The following MARCHF1 variants were observed in gnomAD, a reference collection of about 807,000 sequenced individuals.
MARCHF1 encodes the protein E3 ubiquitin-protein ligase MARCHF1.
MARCHF1 carries 40 observed loss-of-function variants against 54.2 expected under a neutral mutation model. The observed-to-expected ratio is 0.74, with a 90% CI of 0.57 to 0.96. The LOEUF (loss-of-function observed/expected upper bound fraction) is 0.96, where lower values mean the gene tolerates loss of function less well. MARCHF1 is among the 40% of genes least tolerant of loss of function. The pLI is 0.00. For missense variants in MARCHF1, 586 were observed against 656.5 expected, an observed-to-expected ratio of 0.89 and a Z score of 1.17; for synonymous variants, 236 against 236.3, an observed-to-expected ratio of 1.00 and a Z score of 0.01.
chr4:163,674,939 A>G (rs1179470263), intron 5 of MARCHF1, among the ~76,000 whole-genome samples: 1 of 152,200 alleles, frequency 6.6e-6, no homozygotes. Flanking sequence ...TTTGCAAGAT[A>G]ATGTTGAAGA....
At chr4:163,844,970 A>T (rs889895149) in intron 4 of MARCHF1, among the ~76,000 whole-genome samples, 3 of 152,166 alleles carry the variant, frequency 2.0e-5, no homozygotes, top group African/African-American at 7.2e-5. Context: ...TTCTGTATGA[A>T]GCAGCATAAA....
chr4:164,060,131 A>G (rs993970500), intron 2 of MARCHF1, among the ~76,000 whole-genome samples: 1 of 152,092 alleles, frequency 6.6e-6, no homozygotes, highest in Non-Finnish European at 1.5e-5. Context: ...GTTGTTTTGT[A>G]CAAGCAAATG....
At position 164,169,289 on chromosome 4, in the gene MARCHF1, G is replaced by A. The variant is rs9994365; in HGVS notation, c.-322-57627C>T. 8.8e-3 allele frequency among the ~76,000 whole-genome samples: 1,346 copies of A among 152,124 alleles called. 21 individuals are homozygous for A. Among genetic ancestry groups the A allele is most frequent in the African/African-American group, 0.027 (1,134 of 41,522 alleles). On this transcript the variant is annotated intron_variant, in intron 1 of 9. Coordinates refer to ENST00000514618, the MANE Select transcript of MARCHF1 (RefSeq NM_001394959.1). ...CCTACTCAAGACCCTTGCCTTTGAGGTGCTCCTTTTGTCTCTTCCTGTATT... is the reference window on the plus strand; with the variant it reads ...CCTACTCAAGACCCTTGCCTTTGAGATGCTCCTTTTGTCTCTTCCTGTATT...
intron 3 of MARCHF1, among the ~76,000 whole-genome samples, chr4:163,883,701 C>A (rs1002240051): frequency 3.3e-5 from 5 of 152,058 alleles, no homozygotes; most frequent in East Asian, 1.9e-4. Flanking sequence ...TTGCATGGGG[C>A]ATACTTGTTC....
intron 1 of MARCHF1, among the ~76,000 whole-genome samples, chr4:164,196,576 T>TA: frequency 6.6e-6 from 1 of 152,148 alleles, no homozygotes; most frequent in Admixed American, 6.5e-5. Flanking sequence ...CTCTTTTTGT[T>TA]AAATCCTGGA....
chr4:163,684,069 G>A (rs1025552781), intron 5 of MARCHF1, among the ~76,000 whole-genome samples: 7 of 152,208 alleles, frequency 4.6e-5, no homozygotes, highest in African/African-American at 1.7e-4. Context: ...CTCAAGGTAT[G>A]TACCATGAAA....
intron 1 of MARCHF1, among the ~76,000 whole-genome samples, chr4:164,282,258 A>G (rs1734044823): frequency 6.6e-6 from 1 of 150,586 alleles, no homozygotes; most frequent in Non-Finnish European, 1.5e-5. Context: ...CAACACTCAA[A>G]CCATCTAATT....
intron 3 of MARCHF1, among the ~76,000 whole-genome samples, chr4:163,875,095 G>A (rs552832140): frequency 1.3e-5 from 2 of 151,722 alleles, no homozygotes; most frequent in Admixed American, 1.3e-4. Context: ...TTTAATTCTG[G>A]TCAGTTAAGG....
chr4:164,106,107 C>T (rs1269091412), intron 2 of MARCHF1, among the ~76,000 whole-genome samples: 1 of 151,176 alleles, frequency 6.6e-6, no homozygotes, highest in Non-Finnish European at 1.5e-5. Context: ...ATTAAGAAGT[C>T]AGGAAACAAC....
In MARCHF1 at chr4:163,895,670, GA is replaced by G. The variant is rs559563572; in HGVS notation, c.-38-41502del. Among the ~76,000 whole-genome samples, 71 of 152,264 alleles carry G rather than the reference GA, an allele frequency of 4.7e-4. 1 individual carries two copies. The South Asian group carries it at 0.014, about 30-fold the overall frequency. Reference sequence around the variant, plus strand: ...ACTTAGCGAGGTCTGTTTATGCTGTGAAAGAGGATGTTCTGTTTTGATCAGG... The same window carrying G: ...ACTTAGCGAGGTCTGTTTATGCTGTGAAGAGGATGTTCTGTTTTGATCAGG... On this transcript the variant is annotated intron_variant, in intron 3 of 9. Transcript: ENST00000514618.
intron 1 of MARCHF1, among the ~76,000 whole-genome samples, chr4:164,297,338 A>G (rs67503319): frequency 0.26 from 40,260 of 152,038 alleles, 5,755 homozygotes; most frequent in Admixed American, 0.39. Context: ...ACACTGTCTA[A>G]GTGATTGAGA....
rs964194511 is a variant in MARCHF1, at chr4:164,013,518, T to C, written c.-247-24809A>G. Among the ~76,000 whole-genome samples the C allele has an allele frequency of 1.3e-4, 20 of 152,212 alleles. No homozygotes were observed. In the South Asian group the frequency reaches 2.5e-3, roughly 19 times the overall value. ...AATCTTCAAAAACTTGGGAAAGATA[T>C]GAGTAGCCAAGTACAAGAAGATTTT... On this transcript the variant is annotated intron_variant, in intron 2 of 9. Transcript: ENST00000514618.
intron 4 of MARCHF1, among the ~76,000 whole-genome samples, chr4:163,719,099 T>C (rs1273589148): frequency 6.6e-6 from 1 of 152,190 alleles, no homozygotes; most frequent in Non-Finnish European, 1.5e-5. Flanking sequence ...GTTACATACG[T>C]ATACATGGGC....
chr4:163,542,898 G>A (rs1457655734), intron 9 of MARCHF1, among the ~76,000 whole-genome samples: 2 of 152,204 alleles, frequency 1.3e-5, no homozygotes, highest in Non-Finnish European at 2.9e-5. Flanking sequence ...AAACTGCAAA[G>A]GCTGAGTTGG....
intron 4 of MARCHF1, among the ~76,000 whole-genome samples, chr4:163,762,256 G>A (rs1746847094): frequency 1.3e-5 from 2 of 151,970 alleles, no homozygotes; most frequent in South Asian, 4.2e-4. Flanking sequence ...TGATATGTAC[G>A]AATAATACAC....
chr4:164,125,387 T>A (rs763359825), intron 1 of MARCHF1, among the ~76,000 whole-genome samples: 1 of 152,112 alleles, frequency 6.6e-6, no homozygotes, highest in Non-Finnish European at 1.5e-5. Context: ...CCACTCTGCA[T>A]TGGAAGTTTA....
intron 5 of MARCHF1, among the ~76,000 whole-genome samples, chr4:163,643,853 A>G (rs1452912611): frequency 6.6e-6 from 1 of 152,160 alleles, no homozygotes; most frequent in African/African-American, 2.4e-5. Context: ...GAAAATCACC[A>G]AAGAAAATAT....
At chr4:163,645,794 CA>C (rs1742734922) in intron 5 of MARCHF1, among the ~76,000 whole-genome samples, 1 of 151,852 alleles carries the variant, frequency 6.6e-6, no homozygotes, top group Non-Finnish European at 1.5e-5. Context: ...ATTCAAGGAA[CA>C]AAAAGAATAA....
intron 1 of MARCHF1, among the ~76,000 whole-genome samples, chr4:164,147,198 A>T (rs563148209): frequency 1.3e-5 from 2 of 151,396 alleles, no homozygotes; most frequent in South Asian, 4.2e-4. Flanking sequence ...GATGTGGAGA[A>T]ATAGGAACAC....
Sources: allele counts gnomAD v4.1 joint callset (sites outside exome capture counted in the v4.1 genomes callset), GRCh38; gene constraint gnomAD v4.1.1; transcripts MANE v1.5; gene names NCBI Gene and HGNC (gene_info 2026-07-23, HGNC 2026-07-21).